CTSD: variants seen among roughly 807,000 people sequenced by gnomAD.
The protein encoded by CTSD is ceroid-lipofuscinosis, neuronal 10.
In CTSD, 28 loss-of-function variants were observed where a neutral mutation model predicts 43.6. The ratio of observed to expected loss-of-function variants is 0.64; its 90% CI spans 0.48 to 0.88. CTSD has a LOEUF of 0.88. CTSD is among the 40% of genes least tolerant of loss of function. The pLI is 0.00. For missense variants in CTSD, 485 were observed against 555.2 expected, an observed-to-expected ratio of 0.87 and a Z score of 1.27; for synonymous variants, 270 against 249.8, an observed-to-expected ratio of 1.08 and a Z score of -0.76.
At chr11:1,758,380 G>A (rs974310783) in intron 4 of CTSD, among the ~76,000 whole-genome samples, 6 of 152,144 alleles carry the variant, frequency 3.9e-5, no homozygotes, top group Admixed American at 2.0e-4. Context: ...ACAGCTCCGA[G>A]GTGAGAACTC....
intron 2 of CTSD, among the ~76,000 whole-genome samples, chr11:1,760,023 G>A (rs1278946728): frequency 1.3e-5 from 2 of 152,196 alleles, no homozygotes; most frequent in African/African-American, 4.8e-5. Context: ...AGACTCCCCT[G>A]GTGGCCCGCA....
chr11:1,761,152 G>C, intron 2 of CTSD, 157 bp downstream of exon 2: 1 of 754,414 alleles, frequency 1.3e-6, no homozygotes, highest in Non-Finnish European at 2.3e-6. Flanking sequence ...TCCAGAATGG[G>C]GAAGAAAGGA....
chr11:1,752,936 C>G lies in CTSD; in HGVS notation c.*567G>C, dbSNP rs925371068. ...CAGTCCCAGCACCACCCTGCAGGCT[C>G]CAACAAGGTGGGTTTTGTCCCCTCT... On this transcript the variant is annotated 3_prime_UTR_variant, in exon 9 of 9. Transcript: ENST00000236671. 11 of 191,056 alleles carry G rather than the reference C, an allele frequency of 5.8e-5. No individual in the cohort carries two copies. In the Admixed American group the frequency reaches 6.0e-4, roughly 10 times the overall value. 11.8% of individuals were successfully genotyped at this position (191,056 alleles called of 1,614,324 possible). A position where few individuals can be genotyped will look rare whatever the true frequency, so the allele number is the denominator to read the frequency against.
intron 5 of CTSD, 72 bp from the exon 6 acceptor site, chr11:1,755,100 G>A (rs1845794332): frequency 6.3e-7 from 1 of 1,579,524 alleles, no homozygotes; most frequent in Non-Finnish European, 8.7e-7. Flanking sequence ...AGGAGTAAGA[G>A]GGTGAATGTG....
intron 5 of CTSD, 68 bp downstream of exon 5, chr11:1,757,256 G>C: frequency 7.7e-7 from 1 of 1,306,360 alleles, no homozygotes; most frequent in Non-Finnish European, 1.1e-6. Flanking sequence ...GGGGTGCCTA[G>C]AAGGCTCCCC....
chr11:1,757,537 G>A lies in CTSD; in HGVS notation c.491C>T (p.Ser164Leu), dbSNP rs1845824897. Reference sequence around the variant, plus strand: ...GACACCGCCCAGGGCAGAGGCTGACGACGCTGACTGGCAGGGCACCTGCAG... The same window carrying A: ...GACACCGCCCAGGGCAGAGGCTGACAACGCTGACTGGCAGGGCACCTGCAG... ...DTVSVPCQSA[S>L]SASALGGVKV... is the part of the protein sequence containing the mutation. Residue 164 changes from serine to leucine, a missense_variant, in exon 5 of 9, where the codon TCG (serine) becomes TTG (leucine). By Grantham distance (145) the Ser-to-Leu change is moderately radical (BLOSUM62 -2). Transcript: ENST00000236671. 4 of 1,611,810 alleles carry A rather than the reference G, an allele frequency of 2.5e-6. No homozygotes were observed. The highest frequency in any genetic ancestry group is 1.1e-5 in the South Asian group (1 of 91,020).
At chr11:1,758,842 C>T in intron 4 of CTSD, 127 bp downstream of exon 4, 1 of 789,122 alleles carries the variant, frequency 1.3e-6, no homozygotes. Context: ...TGCTGACTGC[C>T]CCGGCCACCT....
rs1234693178 is a variant in CTSD at position 1,761,399 on chromosome 11, C to T, written c.138G>A (p.Leu46=). The change falls in exon 2 of 9, where the codon CTG becomes CTA. Residue 46 remains leucine, a synonymous_variant. Transcript: ENST00000236671. The part of the protein sequence containing the change: ...MSEVGGSVED[L]IAKGPVSKYS... ...ACTTTGAGACGGGGCCTTTGGCAAT[C>T]AGGTCCTCCACAGAGCCCCCAACCT... 6.2e-7 allele frequency: 1 copy of T among 1,613,830 alleles called. No homozygotes were observed. The highest frequency in any genetic ancestry group is 1.7e-5 in the Admixed American group (1 of 60,024).
intron 5 of CTSD, among the ~76,000 whole-genome samples, chr11:1,755,816 C>T (rs1412397069): frequency 2.0e-5 from 3 of 152,140 alleles, no homozygotes; most frequent in South Asian, 2.1e-4. Flanking sequence ...TTGGGGCCTC[C>T]GCCCTCCTCC....
chr11:1,759,901 A>G (rs767656095), intron 2 of CTSD, among the ~76,000 whole-genome samples: 6 of 152,146 alleles, frequency 3.9e-5, no homozygotes, highest in South Asian at 2.1e-4. Context: ...TGCTCAATAC[A>G]TGGTGAGGCT....
Position 1,763,923 on chromosome 11 carries a change from C to A in CTSD, c.-64G>T. On this transcript the variant is annotated 5_prime_UTR_variant, in exon 1 of 9. Coordinates refer to ENST00000236671, the MANE Select transcript of CTSD (RefSeq NM_001909.5). Reference sequence around the variant, plus strand: ...TGCGCTTATAGCCGGGATGACGCCGCAGTTGGGCCGGATCAGCTGACCCGC... The same window carrying A: ...TGCGCTTATAGCCGGGATGACGCCGAAGTTGGGCCGGATCAGCTGACCCGC... The A allele has an allele frequency of 1.4e-6, 2 of 1,422,236 alleles. No individual in the cohort carries two copies. Among genetic ancestry groups the A allele is most frequent in the Non-Finnish European group, 9.4e-7 (1 of 1,061,356 alleles). 88.1% of individuals were successfully genotyped at this position (1,422,236 alleles called of 1,614,324 possible).
chr11:1,761,308 C>T lies in CTSD; in HGVS notation c.228+1G>A, dbSNP rs766300396. On this transcript the variant is annotated splice_donor_variant, in intron 2 of 8. Coordinates refer to ENST00000236671, the MANE Select transcript of CTSD (RefSeq NM_001909.5). LOFTEE classifies it high-confidence loss of function. ...CAGCAGGGCTAAGACCTCATACTCACGTCCATGTAGTTCTTGAGCACCTCG... is the reference window on the plus strand; with the variant it reads ...CAGCAGGGCTAAGACCTCATACTCATGTCCATGTAGTTCTTGAGCACCTCG... 3.7e-6 allele frequency: 6 copies of T among 1,613,712 alleles called. No individual in the cohort carries two copies. Among genetic ancestry groups the T allele is most frequent in the Non-Finnish European group, 4.2e-6 (5 of 1,179,990 alleles).
rs746693154 is a variant in CTSD, at chr11:1,753,754, CCTCACCGCCCG to C, written c.1071+38_1071+48del. ...GCCCGCTCACCTGGAGCGTGCGCCC[CCTCACCGCCCG>C]CTCACCTGGGGCGTGCGGCACCCCA... is the stretch of plus-strand genomic sequence containing the variant. On this transcript the variant is annotated intron_variant, in intron 8 of 8. Transcript: ENST00000236671. 11 of 1,609,062 alleles carry C rather than the reference CCTCACCGCCCG, an allele frequency of 6.8e-6. No homozygotes were observed. The South Asian group carries it at 1.2e-4, about 18-fold the overall frequency.
At chr11:1,755,459 G>T (rs919515868) in intron 5 of CTSD, 1 of 329,484 alleles carries the variant, frequency 3.0e-6, no homozygotes, top group Non-Finnish European at 6.0e-6. Context: ...GGTTCTGGCC[G>T]CAGGGCCTCT....
rs764766572 is a variant in CTSD, at chr11:1,754,020, C to T, written c.946G>A (p.Gly316Arg). ...DEVRELQKAIGAVPLIQGEYM... is the reference protein window; with the variant it reads ...DEVRELQKAIRAVPLIQGEYM... ...TCGCCCTGAATCAGCGGCACGGCCC[C>T]GATGGCCTTCTGCAGCTCGCGCACC... Residue 316 changes from glycine to arginine, a missense_variant, in exon 7 of 9, where the codon GGG becomes AGG. Physicochemically the swap from Gly to Arg is moderately radical, Grantham distance 125. Coordinates refer to ENST00000236671, the MANE Select transcript of CTSD (RefSeq NM_001909.5). The T allele has an allele frequency of 2.7e-5, 43 of 1,608,504 alleles. No homozygotes were observed. Among genetic ancestry groups the T allele is most frequent in the East Asian group, 4.5e-5 (2 of 44,662 alleles).
chr11:1,757,244 A>AG (rs1227443653), intron 5 of CTSD, 80 bp downstream of exon 5: 2 of 1,155,836 alleles, frequency 1.7e-6, no homozygotes, highest in Non-Finnish European at 2.5e-6. Flanking sequence ...CAGCACTGAG[A>AG]GGGGGTGCCT....
chr11:1,757,211 C>A (rs1280744580), intron 5 of CTSD, 113 bp downstream of exon 5: 8 of 934,816 alleles, frequency 8.6e-6, no homozygotes, highest in Non-Finnish European at 1.2e-5. Context: ...GTCAGGAGCT[C>A]TGGCACAGCA....
Position 1,763,916 on chromosome 11 carries a change from G to A in CTSD, c.-57C>T. On this transcript the variant is annotated 5_prime_UTR_variant, in exon 1 of 9. Transcript: ENST00000236671. ...GAGGCCGTGCGCTTATAGCCGGGAT[G>A]ACGCCGCAGTTGGGCCGGATCAGCT... is the stretch of plus-strand genomic sequence containing the variant. The A allele has an allele frequency of 2.1e-6, 3 of 1,454,678 alleles. No homozygotes were observed. Among genetic ancestry groups the A allele is most frequent in the Non-Finnish European group, 2.8e-6 (3 of 1,088,368 alleles). The allele number at this position is 1,454,678 out of a possible 1,614,324, so 90.1% of individuals were successfully genotyped here.
chr11:1,759,046 C>A lies in CTSD; in HGVS notation c.394G>T (p.Val132Leu). 6.2e-7 allele frequency: 1 copy of A among 1,614,166 alleles called. No individual in the cohort carries two copies. ...KYNSDKSSTY[V>L]KNGTSFDIHY... is the part of the protein sequence containing the mutation. Reference sequence around the variant, plus strand: ...ATGTCAAACGAGGTACCATTCTTCACGTAGGTGCTGGACTTGTCGCTGTTG... The same window carrying A: ...ATGTCAAACGAGGTACCATTCTTCAAGTAGGTGCTGGACTTGTCGCTGTTG... Residue 132 changes from valine to leucine, a missense_variant, in exon 4 of 9, where the codon GTG becomes TTG. Val to Leu is a conservative substitution (Grantham distance 32). Transcript: ENST00000236671.
Sources: gnomAD v4.1 joint callset for allele counts (sites outside exome capture counted in the v4.1 genomes callset) on GRCh38, gnomAD v4.1.1 for gene constraint, MANE v1.5 for transcripts, NCBI Gene and HGNC (gene_info 2026-07-23, HGNC 2026-07-21) for gene names.